The following ANKRD30BL variants were observed in gnomAD, a reference collection of about 807,000 sequenced individuals.
ANKRD30BL encodes ankyrin repeat domain 30B like.
A neutral mutation model predicts 18.4 loss-of-function variants in ANKRD30BL; 20 were observed. That is an observed-to-expected ratio of 1.09 (90% CI 0.77 to 1.58). The LOEUF (loss-of-function observed/expected upper bound fraction) is 1.58, where lower values mean the gene tolerates loss of function less well. ANKRD30BL is among the 40% of genes most tolerant of loss of function. The pLI is 0.00. For synonymous variants in ANKRD30BL, 72 were observed against 100.9 expected, an observed-to-expected ratio of 0.71 and a Z score of 1.72; for missense variants, 224 against 268.6, an observed-to-expected ratio of 0.83 and a Z score of 1.16.
At chr2:132,148,624 C>T (rs1687677800) in intron 5 of ANKRD30BL, among the ~76,000 whole-genome samples, 1 of 151,814 alleles carries the variant, frequency 6.6e-6, no homozygotes, top group Non-Finnish European at 1.5e-5. Context: ...CCCGCTTTGG[C>T]CTTCCAAAGT....
chr2:132,193,605 C>G (rs973328645), intron 1 of ANKRD30BL, among the ~76,000 whole-genome samples: 1 of 152,154 alleles, frequency 6.6e-6, no homozygotes, highest in African/African-American at 2.4e-5. Context: ...CAAGAAGCAG[C>G]TAGACTCATG....
chr2:132,196,802 A>G (rs1302622591), intron 1 of ANKRD30BL, among the ~76,000 whole-genome samples: 5 of 151,838 alleles, frequency 3.3e-5, no homozygotes, highest in Non-Finnish European at 5.9e-5. Context: ...GCAAGACTCC[A>G]TCTCAAAAAA....
chr2:132,175,999 A>G (rs997012747), intron 1 of ANKRD30BL, among the ~76,000 whole-genome samples: 1 of 152,232 alleles, frequency 6.6e-6, no homozygotes, highest in African/African-American at 2.4e-5. Context: ...TTTCCTTTCT[A>G]CATAGACACA....
chr2:132,201,705 T>C (rs2104748027), intron 1 of ANKRD30BL, among the ~76,000 whole-genome samples: 1 of 152,334 alleles, frequency 6.6e-6, no homozygotes, highest in Non-Finnish European at 1.5e-5. Context: ...GACTGTAAAC[T>C]AGTTCAACCA....
chr2:132,196,423 C>T (rs368809658), intron 1 of ANKRD30BL, among the ~76,000 whole-genome samples: 54 of 151,402 alleles, frequency 3.6e-4, no homozygotes, highest in South Asian at 3.5e-3. Flanking sequence ...GCACTCTGAC[C>T]GGGGCAACAG....
chr2:132,235,461 CCTTCAGCTGATA>C (rs1680129369), intron 1 of ANKRD30BL, among the ~76,000 whole-genome samples: 1 of 152,094 alleles, frequency 6.6e-6, no homozygotes, highest in Non-Finnish European at 1.5e-5. Context: ...CCCAAAATCT[CCTTCAGCTGATA>C]AGCAATTTCA....
At chr2:132,227,160 G>T (rs1679870850) in intron 1 of ANKRD30BL, among the ~76,000 whole-genome samples, 1 of 152,010 alleles carries the variant, frequency 6.6e-6, no homozygotes, top group Non-Finnish European at 1.5e-5. Flanking sequence ...GAATATGCTA[G>T]TGGATATTTG....
chr2:132,197,353 T>C (rs1678989773), intron 1 of ANKRD30BL, among the ~76,000 whole-genome samples: 1 of 152,212 alleles, frequency 6.6e-6, no homozygotes, highest in African/African-American at 2.4e-5. Flanking sequence ...GTTTTCCTTT[T>C]TGTTTTGATC....
intron 4 of ANKRD30BL, among the ~76,000 whole-genome samples, chr2:132,151,626 CA>C (rs1329351853): frequency 1.4e-5 from 2 of 144,320 alleles, no homozygotes; most frequent in Non-Finnish European, 3.1e-5. Flanking sequence ...AAAAAAAAAA[CA>C]AAAAAAATGT....
At chr2:132,181,160 AT>A (rs1223302789) in intron 1 of ANKRD30BL, among the ~76,000 whole-genome samples, 1 of 151,858 alleles carries the variant, frequency 6.6e-6, no homozygotes, top group Non-Finnish European at 1.5e-5. Context: ...AGAAAAAAGA[AT>A]TAAAAAAATA....
chr2:132,198,308 C>CTTTTTT (rs1558928525), intron 1 of ANKRD30BL, among the ~76,000 whole-genome samples: 1 of 12,606 alleles, frequency 7.9e-5, no homozygotes. Flanking sequence ...TTCTTTCTTT[C>CTTTTTT]TTTCTTTCTT....
intron 1 of ANKRD30BL, among the ~76,000 whole-genome samples, chr2:132,222,475 A>G (rs1448304189): frequency 2.0e-5 from 3 of 152,058 alleles, no homozygotes; most frequent in African/African-American, 4.8e-5. Flanking sequence ...GAGACTTTTC[A>G]TTTTGTTCTG....
At position 132,230,492 on chromosome 2, in the gene ANKRD30BL, A is replaced by G. The variant is rs553443954; in HGVS notation, n.441+27037T>C. ...AAATATCTTCCCATAAATACTAGAC[A>G]GAAGCATTCTCAGAAACTTATTTAT... is the stretch of plus-strand genomic sequence containing the variant. On this transcript the variant is annotated intron_variant and non_coding_transcript_variant, in intron 1 of 4. Coordinates refer to the ANKRD30BL transcript ENST00000470729. 1.7e-3 allele frequency among the ~76,000 whole-genome samples: 258 copies of G among 152,272 alleles called. 1 individual carries two copies. Among genetic ancestry groups the G allele is most frequent in the African/African-American group, 5.9e-3 (245 of 41,592 alleles).
chr2:132,220,670 A>G (rs1321932232), intron 1 of ANKRD30BL, among the ~76,000 whole-genome samples: 3 of 151,896 alleles, frequency 2.0e-5, no homozygotes, highest in South Asian at 2.1e-4. Flanking sequence ...TCAGTGCTCA[A>G]TGGGGCCAAG....
chr2:132,195,788 CAAAAAAAAAA>C (rs1205804103), intron 1 of ANKRD30BL, among the ~76,000 whole-genome samples: 662 of 48,706 alleles, frequency 0.014, 10 homozygotes, highest in African/African-American at 0.034. Context: ...GAGCCTCTGC[CAAAAAAAAAA>C]AAAAAAAAAA....
intron 1 of ANKRD30BL, among the ~76,000 whole-genome samples, chr2:132,201,014 T>C (rs2104747352): frequency 6.6e-6 from 1 of 152,290 alleles, no homozygotes; most frequent in East Asian, 1.9e-4. Context: ...ATCTGATCTT[T>C]GACAAACCTG....
In ANKRD30BL at chr2:132,211,742, A is replaced by T. The variant is rs539626670; in HGVS notation, n.441+45787T>A. On this transcript the variant is annotated intron_variant and non_coding_transcript_variant, in intron 1 of 4. Coordinates refer to the ANKRD30BL transcript ENST00000470729. ...ATGGTGGAAAAGGAAATATCTTCAC[A>T]TAAAAACTACACAGAAGCATTCTCT... Among the ~76,000 whole-genome samples the T allele has an allele frequency of 1.4e-4, 22 of 151,978 alleles. No homozygotes were observed. The South Asian group carries it at 1.7e-3, about 11-fold the overall frequency.
At position 132,180,853 on chromosome 2, in the gene ANKRD30BL, A is replaced by G. The variant is rs374327623; in HGVS notation, n.442-23707T>C. On this transcript the variant is annotated intron_variant and non_coding_transcript_variant, in intron 1 of 4. Transcript: ENST00000470729. ...TATAAAAGAACTTGATTAACGTTAT[A>G]AAGTGAGGGATAGTCCAGGCGAGGT... Among the ~76,000 whole-genome samples the G allele has an allele frequency of 9.2e-5, 14 of 152,318 alleles. No homozygotes were observed. The East Asian group carries it at 2.3e-3, about 25-fold the overall frequency.
At chr2:132,206,347 A>AAAT (rs766660268) in intron 1 of ANKRD30BL, among the ~76,000 whole-genome samples, 57 of 152,044 alleles carry the variant, frequency 3.7e-4, no homozygotes, top group African/African-American at 1.2e-3. Context: ...ATGTTGATTA[A>AAAT]AATAATAATA....
Sources: gnomAD v4.1 joint callset for allele counts (sites outside exome capture counted in the v4.1 genomes callset) on GRCh38, gnomAD v4.1.1 for gene constraint, MANE v1.5 for transcripts, NCBI Gene and HGNC (gene_info 2026-07-23, HGNC 2026-07-21) for gene names.